Variants in RHOJ observed in about 807,000 individuals in gnomAD.
RHOJ encodes rho-related GTP-binding protein RhoJ.
A neutral mutation model predicts 23.4 loss-of-function variants in RHOJ; 11 were observed. The observed-to-expected ratio is 0.47, with a 90% CI of 0.30 to 0.78. The LOEUF (loss-of-function observed/expected upper bound fraction) is 0.78, where lower values mean the gene tolerates loss of function less well. Among genes scored for constraint, RHOJ ranks in the 30% least tolerant of loss-of-function variants. The pLI is 0.08. For missense variants in RHOJ, 254 were observed against 273.4 expected (o/e 0.93, Z 0.50); for synonymous variants, 102 against 102.7 (o/e 0.99, Z 0.04).
chr14:63,239,481 ACT>A (rs1408853977), intron 1 of RHOJ, among the ~76,000 whole-genome samples: 1 of 152,076 alleles, frequency 6.6e-6, no homozygotes, highest in Non-Finnish European at 1.5e-5. Context: ...TTACAGGGAA[ACT>A]CTGGGGAGCC....
intron 1 of RHOJ, among the ~76,000 whole-genome samples, chr14:63,248,463 A>G (rs368127076): frequency 3.1e-4 from 47 of 152,208 alleles, no homozygotes; most frequent in East Asian, 1.5e-3. Context: ...GCTCTTTTCC[A>G]TTTTAGCTCC....
chr14:63,221,180 AT>A (rs908657321), intron 1 of RHOJ, among the ~76,000 whole-genome samples: 1 of 152,092 alleles, frequency 6.6e-6, no homozygotes, highest in African/African-American at 2.4e-5. Flanking sequence ...AAATTTTTAA[AT>A]GAACCGGATG....
chr14:63,290,310 A>G (rs928725704), intron 4 of RHOJ, among the ~76,000 whole-genome samples: 2 of 152,226 alleles, frequency 1.3e-5, no homozygotes, highest in African/African-American at 4.8e-5. Context: ...GTTGAGGGAT[A>G]CCTTAAAAGA....
In RHOJ at chr14:63,204,597, G is replaced by A. The variant is rs780412845; in HGVS notation, c.-273G>A. On this transcript the variant is annotated 5_prime_UTR_variant, in exon 1 of 5. Transcript: ENST00000316754. ...TTTCTAGGCTGTTAGGAAGCCCCTCGAATTCTGTGAAAATGAGGGTTTCTT... is the reference window on the plus strand; with the variant it reads ...TTTCTAGGCTGTTAGGAAGCCCCTCAAATTCTGTGAAAATGAGGGTTTCTT... 2 of 472,984 alleles carry A rather than the reference G, an allele frequency of 4.2e-6. No individual in the cohort carries two copies. The highest frequency in any genetic ancestry group is 7.9e-5 in the East Asian group (2 of 25,192). The allele number at this position is 472,984 out of a possible 1,614,324, so 29.3% of individuals were successfully genotyped here. A position where few individuals can be genotyped will look rare whatever the true frequency, so the allele number is the denominator to read the frequency against.
At chr14:63,243,422 C>T (rs7144701) in intron 1 of RHOJ, among the ~76,000 whole-genome samples, 324 of 152,324 alleles carry the variant, frequency 2.1e-3, no homozygotes, top group African/African-American at 7.4e-3. Flanking sequence ...TCACTGCAAC[C>T]TCCACCTCCT....
chr14:63,251,720 C>T (rs565114988), intron 1 of RHOJ, among the ~76,000 whole-genome samples: 1 of 152,310 alleles, frequency 6.6e-6, no homozygotes, highest in Admixed American at 6.5e-5. Context: ...ACATCATTGA[C>T]TTAATAACAT....
intron 2 of RHOJ, among the ~76,000 whole-genome samples, chr14:63,275,413 C>T (rs1225236267): frequency 2.6e-5 from 4 of 152,214 alleles, no homozygotes; most frequent in Non-Finnish European, 5.9e-5. Flanking sequence ...AATAATTTCA[C>T]TTACCTGTGT....
intron 2 of RHOJ, among the ~76,000 whole-genome samples, chr14:63,276,354 G>A (rs1327783646): frequency 1.3e-5 from 2 of 152,174 alleles, no homozygotes; most frequent in Admixed American, 1.3e-4. Context: ...TGTTGGAATT[G>A]TATTTTCCCA....
intron 1 of RHOJ, among the ~76,000 whole-genome samples, chr14:63,243,903 G>A (rs190312685): frequency 3.3e-5 from 5 of 152,186 alleles, no homozygotes; most frequent in East Asian, 3.9e-4. Flanking sequence ...AGTCATTTGC[G>A]TAATTGTGCA....
chr14:63,207,977 A>C (rs887096947), intron 1 of RHOJ, among the ~76,000 whole-genome samples: 2 of 152,320 alleles, frequency 1.3e-5, no homozygotes, highest in Admixed American at 6.5e-5. Flanking sequence ...AAAGATAAAG[A>C]CTACAAGAAG....
intron 4 of RHOJ, among the ~76,000 whole-genome samples, chr14:63,283,756 G>A (rs1157986371): frequency 6.6e-6 from 1 of 152,206 alleles, no homozygotes; most frequent in Non-Finnish European, 1.5e-5. Flanking sequence ...GTGACTAGCT[G>A]GGGATCTAAG....
chr14:63,288,234 C>T, intron 4 of RHOJ: 1 of 985,434 alleles, frequency 1.0e-6, no homozygotes. Context: ...CCCGCTCCAT[C>T]GAAAGGCAAA....
chr14:63,288,132 G>A, intron 4 of RHOJ: 2 of 968,300 alleles, frequency 2.1e-6, no homozygotes, highest in Non-Finnish European at 2.5e-6. Flanking sequence ...ACAACATAAT[G>A]TCATATTAAC....
chr14:63,219,298 A>T (rs1054561829), intron 1 of RHOJ, among the ~76,000 whole-genome samples: 4 of 152,202 alleles, frequency 2.6e-5, no homozygotes, highest in Non-Finnish European at 5.9e-5. Context: ...TCAGTAAAAA[A>T]AAGTTAGCAT....
intron 1 of RHOJ, among the ~76,000 whole-genome samples, chr14:63,250,933 G>C (rs1047603348): frequency 1.3e-5 from 2 of 152,278 alleles, no homozygotes; most frequent in Non-Finnish European, 2.9e-5. Context: ...TACTTAGGAG[G>C]CTCAGGCAGA....
chr14:63,214,620 G>A (rs1338286350), intron 1 of RHOJ, among the ~76,000 whole-genome samples: 1 of 152,158 alleles, frequency 6.6e-6, no homozygotes, highest in Non-Finnish European at 1.5e-5. Context: ...TGGGGGCATA[G>A]AGAGCTCCTG....
chr14:63,274,981 G>A (rs547411349), intron 2 of RHOJ, among the ~76,000 whole-genome samples: 2 of 152,278 alleles, frequency 1.3e-5, no homozygotes, highest in Non-Finnish European at 1.5e-5. Context: ...GGTATGGCGG[G>A]GTGGGAGGAG....
intron 1 of RHOJ, among the ~76,000 whole-genome samples, chr14:63,241,655 G>GA (rs879783184): frequency 1.3e-5 from 2 of 152,088 alleles, no homozygotes; most frequent in Non-Finnish European, 2.9e-5. Flanking sequence ...AGGTTACGAG[G>GA]AAAAAAAGTA....
intron 1 of RHOJ, among the ~76,000 whole-genome samples, chr14:63,242,543 G>A (rs1220181714): frequency 2.0e-5 from 3 of 152,104 alleles, no homozygotes; most frequent in East Asian, 1.9e-4. Context: ...ACTCCAGGAC[G>A]ACAGAGCAAG....
Sources: gnomAD v4.1 joint callset for allele counts (sites outside exome capture counted in the v4.1 genomes callset) on GRCh38, gnomAD v4.1.1 for gene constraint, MANE v1.5 for transcripts, NCBI Gene and HGNC (gene_info 2026-07-23, HGNC 2026-07-21) for gene names.